The following PARPBP variants were observed in gnomAD, a reference collection of about 807,000 sequenced individuals.
PARPBP encodes PARP1 binding protein.
A neutral mutation model predicts 50.0 loss-of-function variants in PARPBP; 52 were observed. The observed-to-expected ratio is 1.04, with a 90% CI of 0.83 to 1.31. PARPBP has a LOEUF of 1.31. Ranked by LOEUF, PARPBP falls within the 50% of genes most tolerant of loss-of-function variation. PARPBP has a pLI of 0.00. For synonymous variants in PARPBP, 244 were observed against 232.1 expected, an observed-to-expected ratio of 1.05 and a Z score of -0.47; for missense variants, 697 against 672.0, an observed-to-expected ratio of 1.04 and a Z score of -0.41.
chr12:102,150,758 G>T (rs1221726122), intron 3 of PARPBP, among the ~76,000 whole-genome samples: 1 of 152,226 alleles, frequency 6.6e-6, no homozygotes, highest in African/African-American at 2.4e-5. Flanking sequence ...ATCCTGAGAA[G>T]AGCTTAGCCT....
At chr12:102,138,053 A>G (rs1883943140) in intron 2 of PARPBP, among the ~76,000 whole-genome samples, 1 of 152,172 alleles carries the variant, frequency 6.6e-6, no homozygotes, top group African/African-American at 2.4e-5. Flanking sequence ...TGGTATTTCT[A>G]GTTCTAGATC....
At chr12:102,192,754 A>G (rs937903266) in intron 9 of PARPBP, among the ~76,000 whole-genome samples, 1 of 151,980 alleles carries the variant, frequency 6.6e-6, no homozygotes, top group Admixed American at 6.6e-5. Context: ...AGCAAATTTT[A>G]TAAGTAGAAT....
chr12:102,141,172 T>G (rs1234361028), intron 2 of PARPBP, among the ~76,000 whole-genome samples: 1 of 152,226 alleles, frequency 6.6e-6, no homozygotes, highest in Non-Finnish European at 1.5e-5. Context: ...TGCTCCTGTA[T>G]TGTGTGCATA....
Position 102,129,408 on chromosome 12 carries a change from C to T in PARPBP, c.153+5367C>T, listed in dbSNP as rs1017762238. Among the ~76,000 whole-genome samples the T allele has an allele frequency of 2.6e-4, 40 of 152,164 alleles. No homozygotes were observed. The Middle Eastern group carries it at 0.01, about 39-fold the overall frequency. ...TTTTCTCCCATTCCATAGGTTGTCTCTTCACTCTGCTGATTGTTTCCTTGG... is the reference window on the plus strand; with the variant it reads ...TTTTCTCCCATTCCATAGGTTGTCTTTTCACTCTGCTGATTGTTTCCTTGG... On this transcript the variant is annotated intron_variant, in intron 2 of 10. Transcript: ENST00000327680.
chr12:102,189,755 A>G (rs1247188790), intron 9 of PARPBP, among the ~76,000 whole-genome samples: 1 of 152,164 alleles, frequency 6.6e-6, no homozygotes, highest in Non-Finnish European at 1.5e-5. Context: ...ATGTTGGGGA[A>G]GATTAAGGAC....
In PARPBP at chr12:102,144,607, G is replaced by A. The variant is rs542462269; in HGVS notation, c.154-3623G>A. On this transcript the variant is annotated intron_variant, in intron 2 of 10. Coordinates refer to ENST00000327680, the MANE Select transcript of PARPBP (RefSeq NM_017915.5). ...CTTTTTCTCACAAGATCAAGAGCTT[G>A]CATAGTTTTACTTTAACTAGTTATA... Among the ~76,000 whole-genome samples the A allele has an allele frequency of 6.6e-5, 10 of 152,226 alleles. No homozygotes were observed. The East Asian group carries it at 1.3e-3, about 21-fold the overall frequency.
intron 2 of PARPBP, among the ~76,000 whole-genome samples, chr12:102,143,776 TA>T (rs1177744700): frequency 2.0e-5 from 3 of 151,518 alleles, no homozygotes; most frequent in African/African-American, 4.9e-5. Flanking sequence ...TAATAGAGGC[TA>T]TTTTTTTTTT....
At chr12:102,143,362 C>T (rs972274545) in intron 2 of PARPBP, among the ~76,000 whole-genome samples, 2 of 152,230 alleles carry the variant, frequency 1.3e-5, no homozygotes, top group South Asian at 2.1e-4. Context: ...GGGAGTGTCC[C>T]GATTTTCCAG....
intron 4 of PARPBP, chr12:102,154,713 A>G (rs1886644672): frequency 2.6e-6 from 1 of 377,886 alleles, no homozygotes. Flanking sequence ...AAAATATTTT[A>G]CCCCAAAATA....
intron 4 of PARPBP, chr12:102,154,695 A>C: frequency 1.9e-5 from 7 of 372,112 alleles, no homozygotes; most frequent in South Asian, 1.5e-4. Context: ...CAGATAGAGA[A>C]GGAAATAAAA....
chr12:102,129,225 A>C (rs1447773711), intron 2 of PARPBP, among the ~76,000 whole-genome samples: 1 of 152,126 alleles, frequency 6.6e-6, no homozygotes, highest in East Asian at 1.9e-4. Context: ...TAGGCTCAAG[A>C]ATTCTCCTGC....
chr12:102,194,112 C>T (rs908963491), intron 9 of PARPBP, among the ~76,000 whole-genome samples: 1 of 151,936 alleles, frequency 6.6e-6, no homozygotes, highest in African/African-American at 2.4e-5. Flanking sequence ...AATATTCTAA[C>T]TTTTTCTAAG....
At chr12:102,195,762 T>C (rs900699090) in intron 10 of PARPBP, among the ~76,000 whole-genome samples, 189 bp from the exon 11 acceptor site, 3 of 151,736 alleles carry the variant, frequency 2.0e-5, no homozygotes, top group Non-Finnish European at 3.0e-5. Flanking sequence ...AACTCAGAGG[T>C]GCTATGATAA....
At position 102,197,439 on chromosome 12, in the gene PARPBP, AG is replaced by A. The variant is rs1212789943; in HGVS notation, c.*1149del. ...GTTTGCATATACTTCTGTTTATAAAAGTATCAGTTTTACTTTTCAGAGGATT... is the reference window on the plus strand; with the variant it reads ...GTTTGCATATACTTCTGTTTATAAAATATCAGTTTTACTTTTCAGAGGATT... On this transcript the variant is annotated 3_prime_UTR_variant, in exon 11 of 11. Transcript: ENST00000327680. 1.5e-5 allele frequency: 19 copies of A among 1,261,784 alleles called. No individual in the cohort carries two copies. The highest frequency in any genetic ancestry group is 4.3e-5 in the Admixed American group (2 of 46,242). The allele number at this position is 1,261,784 out of a possible 1,614,324, so 78.2% of individuals were successfully genotyped here.
chr12:102,157,364 T>C (rs376787942), intron 4 of PARPBP, among the ~76,000 whole-genome samples: 52 of 152,236 alleles, frequency 3.4e-4, no homozygotes, highest in African/African-American at 1.0e-3. Context: ...TATCATTTAC[T>C]AACTTCCATA....
At chr12:102,144,302 T>A (rs775886418) in intron 2 of PARPBP, among the ~76,000 whole-genome samples, 21 of 152,222 alleles carry the variant, frequency 1.4e-4, no homozygotes, top group Non-Finnish European at 2.6e-4. Flanking sequence ...GATTTTCTCA[T>A]TTTATTCTTG....
At chr12:102,138,654 T>A (rs1884055059) in intron 2 of PARPBP, among the ~76,000 whole-genome samples, 1 of 152,224 alleles carries the variant, frequency 6.6e-6, no homozygotes, top group Non-Finnish European at 1.5e-5. Flanking sequence ...CATCTTGAAT[T>A]AATTTTTGTA....
chr12:102,176,381 C>A (rs1263691564), intron 7 of PARPBP, among the ~76,000 whole-genome samples: 2 of 152,196 alleles, frequency 1.3e-5, no homozygotes. Flanking sequence ...TGTATTAGGA[C>A]AACAACAGTC....
chr12:102,168,507 T>C (rs1202814503), intron 6 of PARPBP, among the ~76,000 whole-genome samples: 1 of 152,170 alleles, frequency 6.6e-6, no homozygotes, highest in Non-Finnish European at 1.5e-5. Flanking sequence ...GATTTGTTTG[T>C]TTATTTTTGT....
Sources: allele counts gnomAD v4.1 joint callset (sites outside exome capture counted in the v4.1 genomes callset), GRCh38; gene constraint gnomAD v4.1.1; transcripts MANE v1.5; gene names NCBI Gene and HGNC (gene_info 2026-07-23, HGNC 2026-07-21).